Variants in ITGB6 observed in about 807,000 individuals in gnomAD.
The protein encoded by ITGB6 is integrin beta-6.
Under a neutral mutation model 84.5 loss-of-function variants are expected in ITGB6, and 80 were observed. The observed-to-expected ratio is 0.95, with a 90% CI of 0.79 to 1.14. The LOEUF is 1.14. ITGB6 is among the 50% of genes most tolerant of loss of function. ITGB6 has a pLI of 0.00. For synonymous variants in ITGB6, 383 were observed against 354.9 expected (o/e 1.08, Z -0.89); for missense variants, 1,006 against 968.0 (o/e 1.04, Z -0.52).
chr2:160,135,666 A>G (rs1188694610), intron 10 of ITGB6, among the ~76,000 whole-genome samples: 5 of 151,566 alleles, frequency 3.3e-5, no homozygotes, highest in African/African-American at 1.2e-4. Context: ...CTACAAGGCT[A>G]CAGTAACCAA....
chr2:160,130,240 G>A (rs1683413352), intron 10 of ITGB6, among the ~76,000 whole-genome samples: 1 of 151,950 alleles, frequency 6.6e-6, no homozygotes, highest in African/African-American at 2.4e-5. Flanking sequence ...AAAATTATGG[G>A]ACAACTGTTG....
intron 4 of ITGB6, among the ~76,000 whole-genome samples, chr2:160,179,943 C>CAAAAAAAAAA (rs60463723): frequency 4.9e-5 from 5 of 102,994 alleles, no homozygotes; most frequent in Non-Finnish European, 9.8e-5. Context: ...ACTAAAAATA[C>CAAAAAAAAAA]AAAAAAAAAA....
At position 160,150,729 on chromosome 2, in the gene ITGB6, A is replaced by ACG. The variant is rs879601903; in HGVS notation, c.1018-8659_1018-8658insCG. 7.1e-4 allele frequency among the ~76,000 whole-genome samples: 108 copies of ACG among 152,326 alleles called. 1 individual carries two copies. Among genetic ancestry groups the ACG allele is most frequent in the South Asian group, 8.3e-4 (4 of 4,826 alleles). ...AGACACATTTCACGTGCAAAGATGC[A>ACG]TATAGGCTCAAAATAAAGGGATGGA... On this transcript the variant is annotated intron_variant, in intron 7 of 14. Coordinates refer to ENST00000283249, the MANE Select transcript of ITGB6 (RefSeq NM_000888.5).
chr2:160,182,333 A>T (rs1329619753), intron 4 of ITGB6, among the ~76,000 whole-genome samples: 1 of 152,234 alleles, frequency 6.6e-6, no homozygotes, highest in African/African-American at 2.4e-5. Flanking sequence ...CAGCACGAGA[A>T]CTTCATGAAG....
chr2:160,180,131 A>G (rs1205810562), intron 4 of ITGB6, among the ~76,000 whole-genome samples: 2 of 146,860 alleles, frequency 1.4e-5, no homozygotes, highest in Admixed American at 1.3e-4. Flanking sequence ...AAAAAAAACA[A>G]ACAAAAAAAA....
intron 1 of ITGB6, 31 bp downstream of exon 1, chr2:160,199,972 A>G: frequency 6.4e-7 from 1 of 1,558,490 alleles, no homozygotes; most frequent in African/African-American, 1.4e-5. Flanking sequence ...GCATACCACG[A>G]AAGTAATATA....
intron 12 of ITGB6, among the ~76,000 whole-genome samples, chr2:160,118,880 C>G (rs1682899630): frequency 6.6e-6 from 1 of 152,130 alleles, no homozygotes; most frequent in South Asian, 2.1e-4. Context: ...AATAGACAAA[C>G]AGAGAACCAA....
intron 5 of ITGB6, 60 bp downstream of exon 5, chr2:160,173,914 A>G: frequency 7.2e-7 from 1 of 1,387,666 alleles, no homozygotes; most frequent in Non-Finnish European, 9.8e-7. Flanking sequence ...TTGAAGTAGA[A>G]TTATTAATAA....
intron 7 of ITGB6, among the ~76,000 whole-genome samples, chr2:160,152,055 C>T (rs1365740523): frequency 1.3e-5 from 2 of 152,108 alleles, no homozygotes; most frequent in South Asian, 2.1e-4. Flanking sequence ...TGAAACTATT[C>T]CAATCAATAG....
chr2:160,135,492 A>C (rs1219222404), intron 10 of ITGB6, among the ~76,000 whole-genome samples: 1 of 151,830 alleles, frequency 6.6e-6, no homozygotes, highest in Non-Finnish European at 1.5e-5. Context: ...GGTAATTTAT[A>C]GATTCAATGC....
intron 6 of ITGB6, among the ~76,000 whole-genome samples, chr2:160,171,334 T>TA (rs1313891018): frequency 5.0e-4 from 73 of 146,614 alleles, no homozygotes; most frequent in African/African-American, 1.7e-3. Flanking sequence ...AATTTATTTT[T>TA]TTATTTTTTT....
chr2:160,101,416 T>C lies in ITGB6; in HGVS notation c.*320A>G. 3.5e-6 allele frequency: 1 copy of C among 281,710 alleles called. No individual in the cohort carries two copies. Among genetic ancestry groups the C allele is most frequent in the Non-Finnish European group, 6.6e-6 (1 of 150,812 alleles). 17.5% of individuals were successfully genotyped at this position (281,710 alleles called of 1,614,324 possible). ...CAGGTAGCTGCATTCCTGAAACAAA[T>C]GAGACTCTAATTTCAAACATTTTTC... On this transcript the variant is annotated 3_prime_UTR_variant, in exon 15 of 15. Transcript: ENST00000283249.
chr2:160,127,273 T>A (rs1361467958), intron 10 of ITGB6, among the ~76,000 whole-genome samples: 1 of 152,192 alleles, frequency 6.6e-6, no homozygotes. Context: ...GAACCTTTTT[T>A]AAGTCTTCTA....
At chr2:160,179,382 T>C (rs920221571) in intron 4 of ITGB6, among the ~76,000 whole-genome samples, 1 of 147,710 alleles carries the variant, frequency 6.8e-6, no homozygotes, top group Non-Finnish European at 1.5e-5. Context: ...TTTTCTTTTT[T>C]TCTTTTTCTT....
At chr2:160,114,141 T>C (rs1289831417) in intron 12 of ITGB6, among the ~76,000 whole-genome samples, 2 of 152,204 alleles carry the variant, frequency 1.3e-5, no homozygotes, top group Non-Finnish European at 2.9e-5. Context: ...TATTTAAGTG[T>C]TAATGGAATG....
At position 160,196,244 on chromosome 2, in the gene ITGB6, A is replaced by G; in HGVS notation, c.318T>C (p.Pro106=). The change falls in exon 3 of 15, where the codon CCT becomes CCC. Residue 106 remains proline (P), a synonymous_variant. Transcript: ENST00000283249. The part of the protein sequence containing the change: ...KNSSDIVQIA[P]QSLILKLRPG... ...GTCTCAACTTAAGGATCAAGCTTTG[A>G]GGCGCAATCTGAACAATGTCAGAAC... 1 of 1,614,014 alleles carries G rather than the reference A, an allele frequency of 6.2e-7. No individual in the cohort carries two copies. Among genetic ancestry groups the G allele is most frequent in the Non-Finnish European group, 8.5e-7 (1 of 1,179,918 alleles).
At chr2:160,194,276 G>A (rs1168610434) in intron 4 of ITGB6, among the ~76,000 whole-genome samples, 2 of 152,012 alleles carry the variant, frequency 1.3e-5, no homozygotes, top group Non-Finnish European at 2.9e-5. Flanking sequence ...TTCCTTTATG[G>A]TTAAATTATT....
chr2:160,126,171 G>T (rs1186212529), intron 11 of ITGB6, among the ~76,000 whole-genome samples: 1 of 152,154 alleles, frequency 6.6e-6, no homozygotes, highest in Non-Finnish European at 1.5e-5. Flanking sequence ...TGTGATTCTG[G>T]ATAATCAGGA....
chr2:160,161,820 G>A (rs867854818), intron 7 of ITGB6, among the ~76,000 whole-genome samples: 1 of 152,044 alleles, frequency 6.6e-6, no homozygotes, highest in Non-Finnish European at 1.5e-5. Flanking sequence ...CAACTACTTC[G>A]GAAAGCAACT....
Sources: gnomAD v4.1 joint callset for allele counts (sites outside exome capture counted in the v4.1 genomes callset) on GRCh38, gnomAD v4.1.1 for gene constraint, MANE v1.5 for transcripts, NCBI Gene and HGNC (gene_info 2026-07-23, HGNC 2026-07-21) for gene names.